NEDD9: variants seen among roughly 807,000 people sequenced by gnomAD.
NEDD9 encodes enhancer of filamentation 1.
In NEDD9, 26 loss-of-function variants were observed where a neutral mutation model predicts 76.6. The ratio of observed to expected loss-of-function variants is 0.34; its 90% CI spans 0.25 to 0.47. The LOEUF is 0.47. Ranked by LOEUF, NEDD9 falls within the 20% of genes least tolerant of loss-of-function variation. The pLI, the probability that NEDD9 is intolerant of heterozygous loss-of-function variation, is 1.00. For missense variants in NEDD9, 937 were observed against 1,058.5 expected (o/e 0.89, Z 1.59); for synonymous variants, 392 against 414.2 (o/e 0.95, Z 0.65).
chr6:11,200,722 C>A, intron 2 of NEDD9: 1 of 1,325,926 alleles, frequency 7.5e-7, no homozygotes, highest in Non-Finnish European at 9.6e-7. Context: ...ACCAAAGCAG[C>A]AAATGGTAAG....
intron 2 of NEDD9, among the ~76,000 whole-genome samples, chr6:11,329,997 A>T (rs749352737): frequency 3.3e-5 from 5 of 152,208 alleles, no homozygotes; most frequent in Admixed American, 6.5e-5. Context: ...ACCAGAAATG[A>T]TCAGTATCTG....
intron 1 of NEDD9, among the ~76,000 whole-genome samples, chr6:11,218,482 T>G (rs1759041433): frequency 6.6e-6 from 1 of 152,038 alleles, no homozygotes; most frequent in Non-Finnish European, 1.5e-5. Flanking sequence ...CTTTCCCAGT[T>G]CTCGATCATA....
chr6:11,197,813 C>CT (rs1199122939), intron 2 of NEDD9, among the ~76,000 whole-genome samples: 4 of 152,164 alleles, frequency 2.6e-5, no homozygotes, highest in African/African-American at 4.8e-5. Flanking sequence ...GCTTTTGACA[C>CT]TTTCATGCCT....
At chr6:11,364,730 G>A (rs1028382130) in intron 1 of NEDD9, among the ~76,000 whole-genome samples, 12 of 152,052 alleles carry the variant, frequency 7.9e-5, no homozygotes, top group Non-Finnish European at 8.8e-5. Flanking sequence ...GTAATCTCCC[G>A]TCCCTTCTAC....
chr6:11,247,081 A>T (rs1011714462), intron 3 of NEDD9, among the ~76,000 whole-genome samples: 4 of 152,162 alleles, frequency 2.6e-5, no homozygotes, highest in African/African-American at 9.7e-5. Flanking sequence ...TCCCCTTGAA[A>T]ACACTGCCAC....
chr6:11,355,896 ATTT>A, intron 1 of NEDD9, among the ~76,000 whole-genome samples: 1 of 151,396 alleles, frequency 6.6e-6, no homozygotes, highest in South Asian at 2.1e-4. Flanking sequence ...AATTTTTTGT[ATTT>A]TTTAGTAGAG....
At chr6:11,229,631 A>G (rs1759411182) in intron 1 of NEDD9, among the ~76,000 whole-genome samples, 1 of 152,228 alleles carries the variant, frequency 6.6e-6, no homozygotes, top group South Asian at 2.1e-4. Flanking sequence ...GGGATTTTGT[A>G]GAAAATTCTT....
At position 11,310,053 on chromosome 6, in the gene NEDD9, G is replaced by A. The variant is rs377059750; in HGVS notation, c.-152-3898C>T. Among the ~76,000 whole-genome samples the A allele has an allele frequency of 3.9e-5, 6 of 152,268 alleles. No homozygotes were observed. The South Asian group carries it at 1.2e-3, about 32-fold the overall frequency. ...TGGTACCAACCTCATCCTTTCACAG[G>A]GGTGTGTGTCCCCAGAGCATGCTCT... On this transcript the variant is annotated intron_variant, in intron 2 of 3. Transcript: ENST00000397378.
intron 3 of NEDD9, among the ~76,000 whole-genome samples, chr6:11,285,141 C>T (rs1760621667): frequency 6.6e-6 from 1 of 152,142 alleles, no homozygotes; most frequent in African/African-American, 2.4e-5. Flanking sequence ...TTTTTATAGT[C>T]CCTGCATTGT....
intron 2 of NEDD9, chr6:11,207,492 T>C (rs1023727721): frequency 6.6e-6 from 1 of 152,260 alleles, no homozygotes; most frequent in Non-Finnish European, 1.5e-5. Flanking sequence ...CTAAAACCTT[T>C]GAATCATTTC....
In NEDD9 at chr6:11,232,628, G is replaced by A. The variant is rs1759518810; in HGVS notation, c.-113C>T. The A allele has an allele frequency of 6.3e-7, 1 of 1,588,974 alleles. No homozygotes were observed. Among genetic ancestry groups the A allele is most frequent in the East Asian group, 2.2e-5 (1 of 44,606 alleles). ...CTAGATGAAAGCGAGAAGGTCCCGG[G>A]CAGAGCCGCTTGTCAGTCGCAGCGC... On this transcript the variant is annotated 5_prime_UTR_variant, in exon 1 of 7. Transcript: ENST00000379446.
chr6:11,304,700 A>G (rs1255490498), intron 3 of NEDD9, among the ~76,000 whole-genome samples: 3 of 152,228 alleles, frequency 2.0e-5, no homozygotes, highest in South Asian at 2.1e-4. Context: ...GCAAACTATC[A>G]CAAGGACAGA....
At chr6:11,218,654 T>C (rs902771063) in intron 1 of NEDD9, among the ~76,000 whole-genome samples, 1 of 152,230 alleles carries the variant, frequency 6.6e-6, no homozygotes, top group African/African-American at 2.4e-5. Context: ...TTCTGGACTC[T>C]GATTTCCTCA....
chr6:11,276,590 G>A (rs997230984), intron 3 of NEDD9, among the ~76,000 whole-genome samples: 1 of 152,176 alleles, frequency 6.6e-6, no homozygotes, highest in Non-Finnish European at 1.5e-5. Context: ...ACCCAAATCA[G>A]TGCTTAAAAT....
chr6:11,321,682 G>C (rs1289570161), intron 2 of NEDD9, among the ~76,000 whole-genome samples: 1 of 152,136 alleles, frequency 6.6e-6, no homozygotes, highest in Non-Finnish European at 1.5e-5. Flanking sequence ...CTTTTTGCTG[G>C]AAAGTACATC....
intron 3 of NEDD9, among the ~76,000 whole-genome samples, chr6:11,298,510 C>G (rs1443175308): frequency 6.6e-6 from 1 of 152,106 alleles, no homozygotes; most frequent in African/African-American, 2.4e-5. Context: ...TACCATAGAA[C>G]TAATGTTAAT....
At chr6:11,329,740 T>C (rs1215860138) in intron 2 of NEDD9, among the ~76,000 whole-genome samples, 2 of 152,038 alleles carry the variant, frequency 1.3e-5, no homozygotes, top group African/African-American at 4.8e-5. Flanking sequence ...TCGAGATGTT[T>C]TTTGACTGCC....
chr6:11,199,288 G>A (rs964787215), intron 2 of NEDD9: 1 of 152,236 alleles, frequency 6.6e-6, no homozygotes, highest in African/African-American at 2.4e-5. Context: ...GAAGAGGGAA[G>A]TAATTGACAA....
chr6:11,306,010 C>G (rs1251201287), exon 3 of NEDD9: 1 of 1,613,848 alleles, frequency 6.2e-7, no homozygotes, highest in Non-Finnish European at 8.5e-7. Flanking sequence ...ACATTTTGCC[C>G]CAAGGAATGA....
Sources: allele counts gnomAD v4.1 joint callset (sites outside exome capture counted in the v4.1 genomes callset), GRCh38; gene constraint gnomAD v4.1.1; transcripts MANE v1.5; gene names NCBI Gene and HGNC (gene_info 2026-07-23, HGNC 2026-07-21).